The following TNFAIP6 variants were observed in gnomAD, a reference collection of about 807,000 sequenced individuals.
TNFAIP6 encodes TNF alpha induced protein 6, also known as tumor necrosis factor-inducible gene 6 protein.
TNFAIP6 carries 36 observed loss-of-function variants against 33.7 expected under a neutral mutation model. The ratio of observed to expected loss-of-function variants is 1.07; its 90% CI spans 0.82 to 1.41. TNFAIP6 has a LOEUF of 1.41. Among genes scored for constraint, TNFAIP6 ranks in the 40% most tolerant of loss-of-function variants. The probability of loss-of-function intolerance (pLI) is 0.00; values close to 1 mark genes in which losing one functional copy is unlikely to be tolerated. For missense variants in TNFAIP6, 273 were observed against 331.9 expected (o/e 0.82, Z 1.38); for synonymous variants, 113 against 112.8 (o/e 1.00, Z -0.01).
At chr2:151,364,203 A>T in intron 2 of TNFAIP6, 123 bp downstream of exon 2, 1 of 1,235,212 alleles carries the variant, frequency 8.1e-7, no homozygotes, top group African/African-American at 1.5e-5. Context: ...AGCCCCTAGG[A>T]CATTTCTGCT....
downstream of TNFAIP6, among the ~76,000 whole-genome samples, chr2:151,381,194 G>A (rs939028794): frequency 2.6e-5 from 4 of 152,032 alleles, no homozygotes; most frequent in Admixed American, 2.0e-4. Flanking sequence ...AGAATTCACC[G>A]GGCGCAGTGG....
At chr2:151,376,534 G>A (rs1318487910) in intron 5 of TNFAIP6, among the ~76,000 whole-genome samples, 1 of 151,930 alleles carries the variant, frequency 6.6e-6, no homozygotes, top group East Asian at 1.9e-4. Flanking sequence ...ATCCCAGAAA[G>A]GCATTTGATA....
intron 3 of TNFAIP6, 106 bp downstream of exon 3, chr2:151,366,323 A>C (rs902169177): frequency 4.1e-6 from 4 of 982,178 alleles, no homozygotes; most frequent in Non-Finnish European, 6.0e-6. Context: ...TGATTTTGGT[A>C]ATAATAACTA....
chr2:151,357,929 G>A (rs538383490), intron 1 of TNFAIP6, among the ~76,000 whole-genome samples, 169 bp downstream of exon 1: 2 of 150,980 alleles, frequency 1.3e-5, no homozygotes, highest in South Asian at 2.1e-4. Context: ...TTTTTTAAGC[G>A]TTCTTGTCCT....
chr2:151,362,817 A>G (rs1486972569), intron 1 of TNFAIP6, among the ~76,000 whole-genome samples: 1 of 152,040 alleles, frequency 6.6e-6, no homozygotes, highest in East Asian at 1.9e-4. Context: ...TGCATTAGTC[A>G]TTGCCCTCAA....
At position 151,366,143 on chromosome 2, in the gene TNFAIP6, A is replaced by G. The variant is rs1280150420; in HGVS notation, c.320A>G (p.Lys107Arg). 1 of 1,614,184 alleles carries G rather than the reference A, an allele frequency of 6.2e-7. No homozygotes were observed. The highest frequency in any genetic ancestry group is 1.7e-5 in the Admixed American group (1 of 60,028). Residue 107 changes from lysine to arginine, a missense_variant, in exon 3 of 6, where the codon AAA becomes AGA. Lys to Arg is a conservative substitution (Grantham distance 26, BLOSUM62 2). Transcript: ENST00000243347. ...VKPGPNCGFG[K>R]TGIIDYGIRL... ...CCAGGGCCCAACTGTGGATTTGGAA[A>G]AACTGGCATTATTGATTATGGAATC...
rs367696501 is a variant in TNFAIP6 at position 151,379,569 on chromosome 2, T to A, written c.*36T>A. The A allele has an allele frequency of 1.3e-4, 179 of 1,427,586 alleles. No homozygotes were observed. Among genetic ancestry groups the A allele is most frequent in the Non-Finnish European group, 1.6e-4 (172 of 1,073,154 alleles). 88.4% of individuals were successfully genotyped at this position (1,427,586 alleles called of 1,614,324 possible). On this transcript the variant is annotated 3_prime_UTR_variant, in exon 6 of 6. Coordinates refer to ENST00000243347, the MANE Select transcript of TNFAIP6 (RefSeq NM_007115.4). ...AAGGATGATCAAAACACACAGTGTT[T>A]ATGTTGGAATCTTTTGGAACTCCTT...
At chr2:151,376,871 T>TTTTTG (rs1684918356) in intron 5 of TNFAIP6, among the ~76,000 whole-genome samples, 2 of 141,984 alleles carry the variant, frequency 1.4e-5, no homozygotes, top group African/African-American at 5.0e-5. Flanking sequence ...TTTTCTTTTT[T>TTTTTG]TTTTTTTTTT....
At chr2:151,369,183 C>T (rs1162544468) in intron 3 of TNFAIP6, among the ~76,000 whole-genome samples, 1 of 151,708 alleles carries the variant, frequency 6.6e-6, no homozygotes, top group Admixed American at 6.6e-5. Flanking sequence ...GAGTGAGACT[C>T]CATTTCAAAA....
At chr2:151,379,055 G>A (rs1051063014) in intron 5 of TNFAIP6, among the ~76,000 whole-genome samples, 8 of 152,062 alleles carry the variant, frequency 5.3e-5, no homozygotes, top group Non-Finnish European at 1.0e-4. Flanking sequence ...AGCCGAGATC[G>A]CGCCACAGCA....
chr2:151,369,941 T>C, intron 3 of TNFAIP6, 79 bp from the exon 4 acceptor site: 2 of 1,109,358 alleles, frequency 1.8e-6, no homozygotes. Context: ...AATAGATTGC[T>C]AAGAAATGTC....
chr2:151,358,800 C>A (rs1352643705), intron 1 of TNFAIP6, among the ~76,000 whole-genome samples: 2 of 151,952 alleles, frequency 1.3e-5, no homozygotes, highest in Admixed American at 1.3e-4. Flanking sequence ...CAGCTTGAGC[C>A]AGTGAACTAA....
At chr2:151,361,119 A>C (rs1167007098) in intron 1 of TNFAIP6, among the ~76,000 whole-genome samples, 1 of 152,062 alleles carries the variant, frequency 6.6e-6, no homozygotes, top group Non-Finnish European at 1.5e-5. Context: ...TCTGTCGCCC[A>C]GGCTGGGGTG....
intron 1 of TNFAIP6, among the ~76,000 whole-genome samples, chr2:151,359,454 T>A (rs894965584): frequency 2.0e-5 from 3 of 148,032 alleles, no homozygotes; most frequent in African/African-American, 7.5e-5. Context: ...AGTGGCACCA[T>A]CTCGGCTCAC....
Position 151,373,564 on chromosome 2 carries a change from G to A in TNFAIP6, c.639G>A (p.Glu213=). 1 of 1,552,636 alleles carries A rather than the reference G, an allele frequency of 6.4e-7. No homozygotes were observed. The highest frequency in any genetic ancestry group is 1.2e-5 in the South Asian group (1 of 80,948). ...TCCTTTTCAGATACTGTGGAGATGA[G>A]CTTCCAGATGACATCATCAGTACAG... The part of the protein sequence containing the change: ...HGFVGRYCGD[E]LPDDIISTGN... The change falls in exon 5 of 6, where the codon GAG becomes GAA. Residue 213 remains glutamate (E), a synonymous_variant. Coordinates refer to ENST00000243347, the MANE Select transcript of TNFAIP6 (RefSeq NM_007115.4).
At chr2:151,377,550 C>G (rs944727965) in intron 5 of TNFAIP6, among the ~76,000 whole-genome samples, 5 of 152,138 alleles carry the variant, frequency 3.3e-5, no homozygotes, top group African/African-American at 1.2e-4. Context: ...TACATTTTAA[C>G]CAGCTGAATA....
At position 151,366,279 on chromosome 2, in the gene TNFAIP6, T is replaced by TA; in HGVS notation, c.394+68dup. ...CAGTTCCATGCTGCTAAGAGGTTGTTAAAAAAGAAATGGCTACTTTTTCCA... is the reference window on the plus strand; with the variant it reads ...CAGTTCCATGCTGCTAAGAGGTTGTTAAAAAAAGAAATGGCTACTTTTTCCA... On this transcript the variant is annotated intron_variant, in intron 3 of 5. Transcript: ENST00000243347. The TA allele has an allele frequency of 2.7e-6, 4 of 1,479,726 alleles. No individual in the cohort carries two copies. In the African/African-American group the frequency reaches 4.2e-5, roughly 16 times the overall value. 91.7% of individuals were successfully genotyped at this position (1,479,726 alleles called of 1,614,324 possible). A position where few individuals can be genotyped will look rare whatever the true frequency, so the allele number is the denominator to read the frequency against.
At chr2:151,379,046 G>A (rs545608132) in intron 5 of TNFAIP6, among the ~76,000 whole-genome samples, 1 of 152,194 alleles carries the variant, frequency 6.6e-6, no homozygotes, top group South Asian at 2.1e-4. Flanking sequence ...GTTGCGGTGA[G>A]CCGAGATCGC....
intron 5 of TNFAIP6, 110 bp downstream of exon 5, chr2:151,373,699 G>GT (rs1479213481): frequency 2.0e-5 from 9 of 446,726 alleles, no homozygotes; most frequent in Non-Finnish European, 3.4e-5. Flanking sequence ...ACTTTTTAAA[G>GT]TTGAAAGAAC....
Sources: allele counts gnomAD v4.1 joint callset (sites outside exome capture counted in the v4.1 genomes callset), GRCh38; gene constraint gnomAD v4.1.1; transcripts MANE v1.5; gene names NCBI Gene and HGNC (gene_info 2026-07-23, HGNC 2026-07-21).